The following GSDMB variants were observed in gnomAD, a reference collection of about 807,000 sequenced individuals.
GSDMB encodes gasdermin B, also known as gasdermin-B.
A neutral mutation model predicts 42.9 loss-of-function variants in GSDMB; 32 were observed. That is an observed-to-expected ratio of 0.75 (90% CI 0.56 to 1.00). The LOEUF is 1.00. GSDMB is among the 50% of genes least tolerant of loss of function. The pLI is 0.00. For synonymous variants in GSDMB, 175 were observed against 193.7 expected (o/e 0.90, Z 0.80); for missense variants, 468 against 498.5 (o/e 0.94, Z 0.58).
intron 7 of GSDMB, chr17:39,906,685 G>A: frequency 8.3e-7 from 1 of 1,204,782 alleles, no homozygotes; most frequent in Non-Finnish European, 1.1e-6. Flanking sequence ...CTGATGTCCA[G>A]GCCACACCCC....
At position 39,906,244 on chromosome 17, in the gene GSDMB, C is replaced by T. The variant is rs1292864184; in HGVS notation, c.755G>A (p.Arg252Lys). 1.5e-5 allele frequency: 25 copies of T among 1,614,202 alleles called. No individual in the cohort carries two copies. Among genetic ancestry groups the T allele is most frequent in the Non-Finnish European group, 2.0e-5 (24 of 1,180,026 alleles). Residue 252 changes from arginine to lysine, a missense_variant, in exon 8 of 11, where the codon AGA becomes AAA. Transcript: ENST00000418519. The part of the protein sequence containing the change: ...LGKSLGSEDS[R>K]NMKEKLEDME... ...GTCCTCCAACTTCTCCTTCATGTTT[C>T]TGGAATCCTCCGAACCCAAAGACTT...
intron 2 of GSDMB, among the ~76,000 whole-genome samples, chr17:39,915,583 T>C (rs1392232478): frequency 6.9e-6 from 1 of 145,262 alleles, no homozygotes; most frequent in Admixed American, 7.2e-5. Flanking sequence ...TTTCAGTGAA[T>C]TGATCATTTG....
At chr17:39,913,849 A>C (rs142147006) in intron 2 of GSDMB, among the ~76,000 whole-genome samples, 3 of 152,220 alleles carry the variant, frequency 2.0e-5, no homozygotes, top group East Asian at 1.9e-4. Flanking sequence ...GGGGAGGGAG[A>C]GCTCCCACTG....
At chr17:39,906,484 A>T in intron 7 of GSDMB, 1 of 1,119,878 alleles carries the variant, frequency 8.9e-7, no homozygotes, top group Non-Finnish European at 1.2e-6. Context: ...TCCCCAGCTC[A>T]CCCCCAGTCT....
intron 7 of GSDMB, 84 bp downstream of exon 7, chr17:39,906,877 C>T: frequency 6.2e-6 from 10 of 1,603,364 alleles, no homozygotes; most frequent in Admixed American, 1.7e-5. Context: ...CTCAGCTGAC[C>T]CCACCTGAGC....
chr17:39,916,148 C>A (rs542532044), intron 2 of GSDMB, among the ~76,000 whole-genome samples: 1 of 152,118 alleles, frequency 6.6e-6, no homozygotes, highest in Admixed American at 6.6e-5. Context: ...AGAAACTTCC[C>A]CTTCAGTCTT....
intron 1 of GSDMB, 93 bp from the exon 2 acceptor site, chr17:39,917,423 T>TCAGG: frequency 1.4e-6 from 1 of 740,424 alleles, no homozygotes; most frequent in East Asian, 2.6e-5. Context: ...GTGTCAGGCC[T>TCAGG]CTGAACCCAA....
chr17:39,914,833 C>CTTTTTTTTTT (rs79835993), intron 2 of GSDMB, among the ~76,000 whole-genome samples: 1 of 140,050 alleles, frequency 7.1e-6, no homozygotes, highest in Non-Finnish European at 1.5e-5. Context: ...CCTATGCACA[C>CTTTTTTTTTT]TTTTTTTTTT....
rs2063488323 is a variant in GSDMB at position 39,905,513 on chromosome 17, A to G, written c.1028-17T>C. 1.3e-6 allele frequency: 2 copies of G among 1,595,684 alleles called. No homozygotes were observed. The highest frequency in any genetic ancestry group is 1.7e-6 in the Non-Finnish European group (2 of 1,166,966). ...CAGACAGCTCTGGGGGCAAAGAAAG[A>G]GTGGTAAAAAGGAGAGATATATGGT... On this transcript the variant is annotated splice_polypyrimidine_tract_variant and intron_variant, in intron 9 of 10. Coordinates refer to ENST00000418519, the MANE Select transcript of GSDMB (RefSeq NM_001165958.2).
chr17:39,910,939 T>C (rs1266524008), intron 3 of GSDMB, among the ~76,000 whole-genome samples: 1 of 152,160 alleles, frequency 6.6e-6, no homozygotes, highest in Non-Finnish European at 1.5e-5. Flanking sequence ...CCAGCAATAC[T>C]GTGGTAGGGA....
At chr17:39,906,679 T>A in intron 7 of GSDMB, 1 of 1,200,252 alleles carries the variant, frequency 8.3e-7, no homozygotes, top group Non-Finnish European at 1.1e-6. Context: ...CAAATCCTGA[T>A]GTCCAGGCCA....
chr17:39,914,583 G>A (rs560021090), intron 2 of GSDMB, among the ~76,000 whole-genome samples: 1 of 152,034 alleles, frequency 6.6e-6, no homozygotes, highest in Non-Finnish European at 1.5e-5. Context: ...CCAACATGGT[G>A]AAACCTTGTC....
chr17:39,917,590 GCC>G (rs1568107785), intron 1 of GSDMB: 12 of 92,676 alleles, frequency 1.3e-4, no homozygotes, highest in African/African-American at 8.6e-4. Flanking sequence ...TCTCCCCGCC[GCC>G]GCCCTTAAGA....
rs373509816 is a variant in GSDMB at position 39,912,336 on chromosome 17, G to T, written c.397C>A (p.Leu133Ile). 1 of 1,613,636 alleles carries T rather than the reference G, an allele frequency of 6.2e-7. No individual in the cohort carries two copies. Among genetic ancestry groups the T allele is most frequent in the Non-Finnish European group, 8.5e-7 (1 of 1,179,814 alleles). The part of the protein sequence containing the change: ...NRISQQYLAT[L>I]ENRKLKRELP... Reference sequence around the variant, plus strand: ...CAACTCCAACCTCACCTGTTTTCAAGGGTAGCCAGATACTGCTGGGATATC... The same window carrying T: ...CAACTCCAACCTCACCTGTTTTCAATGGTAGCCAGATACTGCTGGGATATC... The change falls in exon 3 of 11, where the codon CTT becomes ATT. Residue 133 changes from leucine (L) to isoleucine (I), a missense_variant. Transcript: ENST00000418519.
chr17:39,918,024 A>C (rs1364777954), intron 1 of GSDMB: 1 of 152,070 alleles, frequency 6.6e-6, no homozygotes, highest in Non-Finnish European at 1.5e-5. Flanking sequence ...AGTGAGACCC[A>C]TTTTCTACAT....
Position 39,912,420 on chromosome 17 carries a change from T to A in GSDMB, c.313A>T (p.Thr105Ser). 9 of 1,612,756 alleles carry A rather than the reference T, an allele frequency of 5.6e-6. No individual in the cohort carries two copies. The highest frequency in any genetic ancestry group is 6.8e-6 in the Non-Finnish European group (8 of 1,178,750). The change falls in exon 3 of 11, where the codon ACA becomes TCA. Residue 105 changes from threonine to serine, a missense_variant. Coordinates refer to ENST00000418519, the MANE Select transcript of GSDMB (RefSeq NM_001165958.2). ...ELIVRLPKEI[T>S]ISGSFQGFHH... ...AAGCCCTGGAAACTGCCTGAAATTGTTATTTCTTTGGGTAATCTCACTATC... is the reference window on the plus strand; with the variant it reads ...AAGCCCTGGAAACTGCCTGAAATTGATATTTCTTTGGGTAATCTCACTATC...
chr17:39,917,396 A>C (rs2063732643), intron 1 of GSDMB, 66 bp from the exon 2 acceptor site: 1 of 962,236 alleles, frequency 1.0e-6, no homozygotes, highest in South Asian at 1.4e-5. Flanking sequence ...TAAATCTTCC[A>C]CATTTGGCAG....
intron 3 of GSDMB, among the ~76,000 whole-genome samples, chr17:39,911,323 C>CAA (rs373759080): frequency 8.6e-6 from 1 of 116,546 alleles, no homozygotes; most frequent in Non-Finnish European, 1.7e-5. Flanking sequence ...AACTCCATCT[C>CAA]AAAAAAAAAA....
At chr17:39,907,263 G>A (rs889302178) in intron 6 of GSDMB, 6 of 1,197,972 alleles carry the variant, frequency 5.0e-6, no homozygotes, top group Middle Eastern at 3.4e-4. Flanking sequence ...CAGTCGCTCC[G>A]CAAATTTGGG....
Sources: allele counts gnomAD v4.1 joint callset (sites outside exome capture counted in the v4.1 genomes callset), GRCh38; gene constraint gnomAD v4.1.1; transcripts MANE v1.5; gene names NCBI Gene and HGNC (gene_info 2026-07-23, HGNC 2026-07-21).